The following ITGAM variants were observed in gnomAD, a reference collection of about 807,000 sequenced individuals.
ITGAM encodes integrin alpha-M.
A neutral mutation model predicts 137.5 loss-of-function variants in ITGAM; 79 were observed. The observed-to-expected ratio is 0.57, with a 90% CI of 0.48 to 0.69. ITGAM has a LOEUF of 0.69. Ranked by LOEUF, ITGAM falls within the 30% of genes least tolerant of loss-of-function variation. ITGAM has a pLI of 0.00. For synonymous variants in ITGAM, 583 were observed against 592.3 expected, an observed-to-expected ratio of 0.98 and a Z score of 0.23; for missense variants, 1,343 against 1,483.5, an observed-to-expected ratio of 0.91 and a Z score of 1.56.
chr16:31,323,647 A>G (rs546567154), intron 16 of ITGAM, among the ~76,000 whole-genome samples: 1 of 152,326 alleles, frequency 6.6e-6, no homozygotes, highest in Admixed American at 6.5e-5. Context: ...TATTGTATAA[A>G]AGACACTGTG....
intron 7 of ITGAM, among the ~76,000 whole-genome samples, chr16:31,272,505 A>C (rs2079862867): frequency 1.5e-5 from 1 of 64,672 alleles, no homozygotes; most frequent in Non-Finnish European, 2.9e-5. Flanking sequence ...TTTTTTTGAG[A>C]CAGAGTCTCA....
chr16:31,310,963 A>C (rs1468101544), intron 14 of ITGAM, among the ~76,000 whole-genome samples: 1 of 152,072 alleles, frequency 6.6e-6, no homozygotes, highest in Non-Finnish European at 1.5e-5. Context: ...AGAACTGAGC[A>C]CTCAGAAATA....
In ITGAM at chr16:31,331,816, G is replaced by C; in HGVS notation, c.*109G>C. The C allele has an allele frequency of 1.2e-6, 1 of 832,984 alleles. No homozygotes were observed. The highest frequency in any genetic ancestry group is 1.9e-6 in the Non-Finnish European group (1 of 530,720). The allele number at this position is 832,984 out of a possible 1,614,324, so 51.6% of individuals were successfully genotyped here. Reference sequence around the variant, plus strand: ...TCGGACAGCGAAGTATCCCCGACAGGACGGGCTTGGGCTTCCATTTGTGTG... The same window carrying C: ...TCGGACAGCGAAGTATCCCCGACAGCACGGGCTTGGGCTTCCATTTGTGTG... On this transcript the variant is annotated 3_prime_UTR_variant, in exon 30 of 30. Transcript: ENST00000544665.
intron 14 of ITGAM, among the ~76,000 whole-genome samples, chr16:31,300,873 C>T (rs2080191102): frequency 6.6e-6 from 1 of 152,154 alleles, no homozygotes. Flanking sequence ...GATTGTGCCA[C>T]TGCACTCCAG....
Position 31,289,594 on chromosome 16 carries a change from C to T in ITGAM, c.1357-7920C>T, listed in dbSNP as rs2080064998. ...ACACAGGAAGGGGAACATCACACAC[C>T]AGGGCCTGTTGTGGGGTGGGGGAAG... On this transcript the variant is annotated intron_variant, in intron 12 of 29. Coordinates refer to ENST00000544665, the MANE Select transcript of ITGAM (RefSeq NM_000632.4). 2.0e-5 allele frequency among the ~76,000 whole-genome samples: 3 copies of T among 152,058 alleles called. No homozygotes were observed. In the South Asian group the frequency reaches 6.2e-4, roughly 32 times the overall value.
chr16:31,321,146 A>C, intron 14 of ITGAM, 95 bp from the exon 15 acceptor site: 31 of 1,380,002 alleles, frequency 2.2e-5, no homozygotes, highest in Non-Finnish European at 2.9e-5. Context: ...AGTAGAGCTT[A>C]GAGAACCTCT....
chr16:31,321,948 T>G (rs1200010511), intron 16 of ITGAM, among the ~76,000 whole-genome samples: 1 of 152,204 alleles, frequency 6.6e-6, no homozygotes, highest in African/African-American at 2.4e-5. Flanking sequence ...ATTGAATTGA[T>G]GAAGCTAAAC....
At chr16:31,294,329 G>C (rs531646419) in intron 12 of ITGAM, among the ~76,000 whole-genome samples, 1 of 152,124 alleles carries the variant, frequency 6.6e-6, no homozygotes, top group Non-Finnish European at 1.5e-5. Flanking sequence ...GCTTTCAAGG[G>C]GAATGCTTTT....
At chr16:31,302,707 TTC>T (rs146579560) in intron 14 of ITGAM, among the ~76,000 whole-genome samples, 11,535 of 151,724 alleles carry the variant, frequency 0.076, 639 homozygotes, top group Non-Finnish European at 0.12. Context: ...GCTAATATTT[TTC>T]TCTTTTTAGG....
chr16:31,325,276 G>A lies in ITGAM; in HGVS notation c.2377G>A (p.Val793Met), dbSNP rs759821138. ...TTCTTCCCACAGCCTGGACTGCCTC[G>A]TGGTGGGTGGGCCCCGGGAGTTCAA... is the stretch of plus-strand genomic sequence containing the variant. ...TFSFMSLDCL[V>M]VGGPREFNVT... The change falls in exon 20 of 30, where the codon GTG becomes ATG. Residue 793 changes from valine (V) to methionine (M), a missense_variant. Val to Met is a conservative substitution (Grantham distance 21). Coordinates refer to ENST00000544665, the MANE Select transcript of ITGAM (RefSeq NM_000632.4). 1.2e-6 allele frequency: 2 copies of A among 1,612,708 alleles called. No individual in the cohort carries two copies. The highest frequency in any genetic ancestry group is 1.1e-5 in the South Asian group (1 of 90,948).
At position 31,331,701 on chromosome 16, in the gene ITGAM, C is replaced by CGA; in HGVS notation, c.3453_3454insGA (p.Gln1152AspfsTer120). 2 of 1,603,358 alleles carry CGA rather than the reference C, an allele frequency of 1.2e-6. No individual in the cohort carries two copies. The highest frequency in any genetic ancestry group is 1.7e-6 in the Non-Finnish European group (2 of 1,175,112). ...AAGGGGGTCCCCCGGGGGCCGAACCCCAGTAGCGGCTCCTTCCCGACAGAG... is the reference window on the plus strand; with the variant it reads ...AAGGGGGTCCCCCGGGGGCCGAACCCGACAGTAGCGGCTCCTTCCCGACAGAG... On this transcript the variant is annotated frameshift_variant, in exon 30 of 30. Transcript: ENST00000544665. LOFTEE classifies it high-confidence loss of function.
intron 22 of ITGAM, 78 bp from the exon 23 acceptor site, chr16:31,328,069 A>G: frequency 1.9e-6 from 2 of 1,074,802 alleles, no homozygotes; most frequent in Non-Finnish European, 2.9e-6. Flanking sequence ...GATTGGAGGC[A>G]GGGAGTGAGG....
intron 24 of ITGAM, 41 bp downstream of exon 24, chr16:31,329,344 G>T: frequency 7.1e-7 from 1 of 1,406,142 alleles, no homozygotes; most frequent in Non-Finnish European, 1.0e-6. Context: ...AGGAGGCTGG[G>T]GAGGAAAATC....
At chr16:31,265,613 T>A in intron 3 of ITGAM, 115 bp downstream of exon 3, 1 of 786,300 alleles carries the variant, frequency 1.3e-6, no homozygotes, top group Non-Finnish European at 2.1e-6. Context: ...CCTGCCTCCG[T>A]ACCCTCTCCT....
At position 31,326,945 on chromosome 16, in the gene ITGAM, G is replaced by A. The variant is rs770916674; in HGVS notation, c.2708+10G>A. 1.9e-6 allele frequency: 3 copies of A among 1,605,060 alleles called. No homozygotes were observed. In the East Asian group the frequency reaches 6.7e-5, roughly 36 times the overall value. On this transcript the variant is annotated intron_variant, in intron 22 of 29. Transcript: ENST00000544665. ...AGGCCAATGTGACCAGGTGCTCTCT[G>A]CTACCAGGCTTCTGCAGGCAGTTGC... is the stretch of plus-strand genomic sequence containing the variant.
chr16:31,316,381 C>T (rs533261696), intron 14 of ITGAM, among the ~76,000 whole-genome samples: 23 of 136,858 alleles, frequency 1.7e-4, no homozygotes, highest in Non-Finnish European at 2.4e-4. Context: ...AGCAAGACTC[C>T]GTCTGGAAAA....
intron 16 of ITGAM, among the ~76,000 whole-genome samples, chr16:31,322,728 A>G (rs1210976484): frequency 1.3e-5 from 2 of 152,222 alleles, no homozygotes; most frequent in African/African-American, 4.8e-5. Context: ...TATAATTAAT[A>G]TCTTCAAGAA....
chr16:31,266,007 T>A (rs2079762487), intron 4 of ITGAM, 23 bp from the exon 5 acceptor site: 1 of 1,605,626 alleles, frequency 6.2e-7, no homozygotes, highest in African/African-American at 1.3e-5. Flanking sequence ...GGGCAGCCCC[T>A]TCCACTGGCT....
chr16:31,321,096 C>G, intron 14 of ITGAM, 145 bp from the exon 15 acceptor site: 2 of 799,622 alleles, frequency 2.5e-6, no homozygotes, highest in Non-Finnish European at 2.0e-6. Context: ...AAGTTCTAAG[C>G]TGTCCTAGTT....
Sources: allele counts gnomAD v4.1 joint callset (sites outside exome capture counted in the v4.1 genomes callset), GRCh38; gene constraint gnomAD v4.1.1; transcripts MANE v1.5; gene names NCBI Gene and HGNC (gene_info 2026-07-23, HGNC 2026-07-21).